The following ATP1A4 variants were observed in gnomAD, a reference collection of about 807,000 sequenced individuals.
ATP1A4 encodes the protein sodium/potassium-transporting ATPase subunit alpha-4.
A neutral mutation model predicts 114.3 loss-of-function variants in ATP1A4; 90 were observed. The observed-to-expected ratio is 0.79, with a 90% confidence interval of 0.66 to 0.94. ATP1A4 has a LOEUF of 0.94. Among genes scored for constraint, ATP1A4 ranks in the 40% least tolerant of loss-of-function variants. The pLI, the probability that ATP1A4 is intolerant of heterozygous loss-of-function variation, is 0.00. For synonymous variants in ATP1A4, 511 were observed against 494.1 expected, an observed-to-expected ratio of 1.03 and a Z score of -0.45; for missense variants, 1,222 against 1,313.6, an observed-to-expected ratio of 0.93 and a Z score of 1.08.
At chr1:160,175,343 A>T (rs533299042) in intron 15 of ATP1A4, among the ~76,000 whole-genome samples, 1 of 152,196 alleles carries the variant, frequency 6.6e-6, no homozygotes, top group East Asian at 1.9e-4. Flanking sequence ...CATCATAATC[A>T]TGATTACCAT....
At chr1:160,161,204 C>T (rs1652853336) in intron 6 of ATP1A4, among the ~76,000 whole-genome samples, 1 of 152,182 alleles carries the variant, frequency 6.6e-6, no homozygotes, top group Admixed American at 6.5e-5. Flanking sequence ...TACCCTAGAT[C>T]AATTTGCCCT....
chr1:160,184,317 G>C (rs1237057303), intron 20 of ATP1A4, among the ~76,000 whole-genome samples: 10 of 152,056 alleles, frequency 6.6e-5, no homozygotes, highest in Non-Finnish European at 1.5e-4. Flanking sequence ...AGGCCAAGGT[G>C]GGGGGATCGC....
At chr1:160,166,125 C>T (rs1653022900) in intron 7 of ATP1A4, among the ~76,000 whole-genome samples, 1 of 152,054 alleles carries the variant, frequency 6.6e-6, no homozygotes, top group South Asian at 2.1e-4. Context: ...CAAAAATTAG[C>T]TGAACATGGT....
Position 160,171,292 on chromosome 1 carries a change from A to G in ATP1A4, c.1533A>G (p.Val511=), listed in dbSNP as rs1267691294. ...HLREDSSQTH[V]LMMKGAPERI... The stretch of plus-strand genomic sequence containing the variant: ...GGGAGGACAGCTCCCAGACCCACGT[A>G]CTGATGATGAAGGGTGCTCCGGAGA... Residue 511 remains valine (V), a synonymous_variant, in exon 11 of 22, where the codon GTA becomes GTG. Coordinates refer to ENST00000368081, the MANE Select transcript of ATP1A4 (RefSeq NM_144699.4). 3 of 1,613,842 alleles carry G rather than the reference A, an allele frequency of 1.9e-6. No homozygotes were observed. The highest frequency in any genetic ancestry group is 1.7e-5 in the Admixed American group (1 of 59,992).
At chr1:160,179,711 AC>A (rs2101654441) in intron 18 of ATP1A4, among the ~76,000 whole-genome samples, 1 of 152,328 alleles carries the variant, frequency 6.6e-6, no homozygotes, top group South Asian at 2.1e-4. Flanking sequence ...TGTACCAGGT[AC>A]TGTTCTAGGG....
chr1:160,152,281 C>G, intron 1 of ATP1A4, 94 bp downstream of exon 1: 1 of 1,383,324 alleles, frequency 7.2e-7, no homozygotes, highest in African/African-American at 1.4e-5. Context: ...AACACACAGG[C>G]CAGAGCCACA....
chr1:160,158,092 T>C (rs866676399), intron 4 of ATP1A4, among the ~76,000 whole-genome samples: 48 of 151,972 alleles, frequency 3.2e-4, no homozygotes, highest in African/African-American at 1.2e-3. Context: ...AGTTTAGGCA[T>C]GGTCGGTTAG....
chr1:160,161,996 G>A (rs1479972183), intron 6 of ATP1A4, among the ~76,000 whole-genome samples: 1 of 152,166 alleles, frequency 6.6e-6, no homozygotes, highest in Non-Finnish European at 1.5e-5. Context: ...GAAAGAGAAA[G>A]AAACTAATTT....
intron 14 of ATP1A4, 71 bp from the exon 15 acceptor site, chr1:160,174,508 T>A: frequency 1.9e-6 from 3 of 1,568,364 alleles, no homozygotes; most frequent in Non-Finnish European, 2.6e-6. Context: ...GCAGAAAGCG[T>A]ACTGATCTTT....
At chr1:160,165,647 C>T (rs2101635453) in intron 7 of ATP1A4, among the ~76,000 whole-genome samples, 1 of 152,158 alleles carries the variant, frequency 6.6e-6, no homozygotes, top group Admixed American at 6.5e-5. Flanking sequence ...CCTGTAGTCC[C>T]AGCTACTTGG....
At chr1:160,181,907 C>T in intron 19 of ATP1A4, 23 bp from the exon 20 acceptor site, 2 of 1,613,732 alleles carry the variant, frequency 1.2e-6, no homozygotes, top group Non-Finnish European at 1.7e-6. Context: ...CTCCCCGCCA[C>T]ACCCATGAAT....
chr1:160,177,703 G>T, intron 18 of ATP1A4, 39 bp downstream of exon 18: 1 of 1,610,136 alleles, frequency 6.2e-7, no homozygotes, highest in Non-Finnish European at 8.5e-7. Flanking sequence ...AGACCAGTAA[G>T]AGTGAGAGTG....
chr1:160,163,108 G>T (rs938590560), intron 6 of ATP1A4, among the ~76,000 whole-genome samples: 1 of 152,128 alleles, frequency 6.6e-6, no homozygotes, highest in South Asian at 2.1e-4. Context: ...AAACCAAACA[G>T]CTTCCTCAAT....
In ATP1A4 at chr1:160,153,202, A is replaced by G. The variant is rs767286270; in HGVS notation, c.185A>G (p.Lys62Arg). The G allele has an allele frequency of 3.3e-5, 54 of 1,613,792 alleles. No homozygotes were observed. The East Asian group carries it at 1.2e-3, about 35-fold the overall frequency. ...HKLTLEELST[K>R]YSVDLTKGHS... ...TTAACCTTGGAAGAGCTGAGCACCA[A>G]GTACTCCGTGGACCTGACAAAGGTG... is the stretch of plus-strand genomic sequence containing the variant. The change falls in exon 2 of 22, where the codon AAG (lysine) becomes AGG (arginine). Residue 62 changes from lysine (K) to arginine (R), a missense_variant. Physicochemically the swap from Lys to Arg is conservative, Grantham distance 26. Coordinates refer to ENST00000368081, the MANE Select transcript of ATP1A4 (RefSeq NM_144699.4).
At chr1:160,176,274 T>G (rs1653460844) in intron 16 of ATP1A4, 28 bp downstream of exon 16, 5 of 1,612,660 alleles carry the variant, frequency 3.1e-6, no homozygotes, top group Non-Finnish European at 3.4e-6. Flanking sequence ...GAGCAAGAGA[T>G]TCCCAGAATT....
In ATP1A4 at chr1:160,186,666, C is replaced by G. The variant is rs1653906193; in HGVS notation, c.3062-5C>G. On this transcript the variant is annotated splice_polypyrimidine_tract_variant and splice_region_variant and intron_variant, in intron 21 of 21. Transcript: ENST00000368081. ...CAGTTCACGCTGGCCTCTTCTCTTC[C>G]ACAGGCTGGGTGGAAAGGGAGACGT... 6.2e-7 allele frequency: 1 copy of G among 1,610,218 alleles called. No homozygotes were observed. The highest frequency in any genetic ancestry group is 2.2e-5 in the East Asian group (1 of 44,754).
At position 160,151,968 on chromosome 1, in the gene ATP1A4, T is replaced by C. The variant is rs576476432; in HGVS notation, c.-73T>C. The stretch of plus-strand genomic sequence containing the variant: ...TGGCCCCCTTGCCCGCGCGCCCTCT[T>C]CCCTTCCCCTTGCCTCACTCTCTCA... On this transcript the variant is annotated 5_prime_UTR_variant, in exon 1 of 22. Coordinates refer to ENST00000368081, the MANE Select transcript of ATP1A4 (RefSeq NM_144699.4). 2.4e-5 allele frequency: 37 copies of C among 1,546,100 alleles called. No individual in the cohort carries two copies. The African/African-American group carries it at 4.8e-4, about 20-fold the overall frequency.
At position 160,159,395 on chromosome 1, in the gene ATP1A4, C is replaced by T. The variant is rs1035433245; in HGVS notation, c.661-14C>T. On this transcript the variant is annotated splice_polypyrimidine_tract_variant and intron_variant, in intron 5 of 21. Transcript: ENST00000368081. Reference sequence around the variant, plus strand: ...CTATGCTCACCTTACAACGCGTCCCCTCTCCCATCCCAGGTGGACAACTCA... The same window carrying T: ...CTATGCTCACCTTACAACGCGTCCCTTCTCCCATCCCAGGTGGACAACTCA... The T allele has an allele frequency of 3.1e-6, 5 of 1,600,268 alleles. No individual in the cohort carries two copies. Among genetic ancestry groups the T allele is most frequent in the Non-Finnish European group, 3.4e-6 (4 of 1,174,146 alleles).
chr1:160,165,587 G>A (rs149667190), intron 7 of ATP1A4, among the ~76,000 whole-genome samples: 3,341 of 151,986 alleles, frequency 0.022, 52 homozygotes, highest in Non-Finnish European at 0.032. Context: ...GTGAAACCCC[G>A]TCTCTACTAA....
Sources: gnomAD v4.1 joint callset for allele counts (sites outside exome capture counted in the v4.1 genomes callset) on GRCh38, gnomAD v4.1.1 for gene constraint, MANE v1.5 for transcripts, NCBI Gene and HGNC (gene_info 2026-07-23, HGNC 2026-07-21) for gene names.